Variants in FILIP1L observed in about 807,000 individuals in gnomAD.
FILIP1L encodes the protein filamin A interacting protein 1 like.
In FILIP1L, 55 loss-of-function variants were observed where a neutral mutation model predicts 96.6. The ratio of observed to expected loss-of-function variants is 0.57; its 90% CI spans 0.46 to 0.71. FILIP1L has a LOEUF of 0.71. Among genes scored for constraint, FILIP1L ranks in the 30% least tolerant of loss-of-function variants. The pLI is 0.00. For synonymous variants in FILIP1L, 467 were observed against 473.9 expected, an observed-to-expected ratio of 0.99 and a Z score of 0.19; for missense variants, 1,304 against 1,321.2, an observed-to-expected ratio of 0.99 and a Z score of 0.20.
chr3:99,902,234 A>T (rs887308010), intron 4 of FILIP1L, among the ~76,000 whole-genome samples: 1 of 152,162 alleles, frequency 6.6e-6, no homozygotes, highest in African/African-American at 2.4e-5. Context: ...TTGAGTAGGA[A>T]TTTGGGGGCA....
intron 1 of FILIP1L, among the ~76,000 whole-genome samples, chr3:100,037,158 G>A (rs1284715319): frequency 2.0e-5 from 3 of 151,020 alleles, no homozygotes; most frequent in Non-Finnish European, 4.4e-5. Flanking sequence ...ACATAATGTT[G>A]TGCTTATATA....
intron 1 of FILIP1L, among the ~76,000 whole-genome samples, chr3:99,973,140 G>T (rs763107745): frequency 2.1e-4 from 32 of 152,084 alleles, no homozygotes; most frequent in Admixed American, 1.0e-3. Context: ...TAAAAGCCAA[G>T]GTTTAGATTT....
chr3:99,861,577 G>A lies in FILIP1L; in HGVS notation c.606-10507C>T, dbSNP rs1944256641. 2.0e-5 allele frequency among the ~76,000 whole-genome samples: 3 copies of A among 151,998 alleles called. No individual in the cohort carries two copies. In the South Asian group the frequency reaches 6.2e-4, roughly 32 times the overall value. Reference sequence around the variant, plus strand: ...TGATTTTGTACTCTCTGTGATCTGCGTTCTTCTGTATCTTGTCTGTTTGCC... The same window carrying A: ...TGATTTTGTACTCTCTGTGATCTGCATTCTTCTGTATCTTGTCTGTTTGCC... On this transcript the variant is annotated intron_variant, in intron 4 of 5. Transcript: ENST00000477258.
intron 1 of FILIP1L, among the ~76,000 whole-genome samples, chr3:100,058,976 A>C (rs2065512562): frequency 6.6e-6 from 1 of 152,252 alleles, no homozygotes; most frequent in African/African-American, 2.4e-5. Flanking sequence ...GTTCAGGAAA[A>C]GGTCCTTGGT....
chr3:99,931,114 A>G (rs1707468924), intron 1 of FILIP1L, 84 bp from the exon 2 acceptor site: 3 of 1,142,672 alleles, frequency 2.6e-6, no homozygotes, highest in Non-Finnish European at 3.8e-6. Flanking sequence ...ACAAGTCTAC[A>G]TTCTTGTTAT....
chr3:99,920,726 C>T (rs1401284098), intron 4 of FILIP1L, among the ~76,000 whole-genome samples: 2 of 151,762 alleles, frequency 1.3e-5, no homozygotes, highest in South Asian at 4.2e-4. Context: ...ACTTGGCAAA[C>T]ATTTTGGCCT....
At chr3:99,947,728 T>C (rs1357817690) in intron 1 of FILIP1L, among the ~76,000 whole-genome samples, 2 of 152,232 alleles carry the variant, frequency 1.3e-5, no homozygotes, top group African/African-American at 4.8e-5. Context: ...TGAATACTTT[T>C]AATAAGGTAA....
intron 4 of FILIP1L, among the ~76,000 whole-genome samples, chr3:99,852,799 T>A (rs948900404): frequency 6.6e-6 from 1 of 152,222 alleles, no homozygotes; most frequent in African/African-American, 2.4e-5. Flanking sequence ...AATTGAGTCC[T>A]TCTTTTTGAG....
At chr3:99,989,684 A>ATATT (rs1491243903) in intron 1 of FILIP1L, among the ~76,000 whole-genome samples, 2 of 58,340 alleles carry the variant, frequency 3.4e-5, no homozygotes, top group African/African-American at 1.2e-4. Flanking sequence ...ATATATATAT[A>ATATT]TTTTTTTTCT....
At chr3:99,839,201 C>T (rs1053719318) in intron 5 of FILIP1L, among the ~76,000 whole-genome samples, 1 of 152,202 alleles carries the variant, frequency 6.6e-6, no homozygotes, top group Non-Finnish European at 1.5e-5. Flanking sequence ...CTCTAAAATC[C>T]TGTAGTACTT....
At chr3:99,887,250 A>G (rs1275144746) in intron 4 of FILIP1L, among the ~76,000 whole-genome samples, 1 of 152,082 alleles carries the variant, frequency 6.6e-6, no homozygotes, top group African/African-American at 2.4e-5. Flanking sequence ...CTGGGCAACA[A>G]CAGCAAAACT....
chr3:100,089,547 G>A (rs914785268), intron 1 of FILIP1L, among the ~76,000 whole-genome samples: 1 of 152,130 alleles, frequency 6.6e-6, no homozygotes, highest in Non-Finnish European at 1.5e-5. Flanking sequence ...CAAGCAAAAA[G>A]GATAGGAAGC....
intron 1 of FILIP1L, chr3:100,075,566 T>C (rs2065836842): frequency 7.1e-6 from 1 of 141,744 alleles, no homozygotes; most frequent in East Asian, 2.0e-4. Context: ...TTTCTTTTTC[T>C]TTTTTTTTTT....
At chr3:100,003,517 G>A (rs1440543147) in intron 1 of FILIP1L, among the ~76,000 whole-genome samples, 1 of 152,216 alleles carries the variant, frequency 6.6e-6, no homozygotes, top group Non-Finnish European at 1.5e-5. Context: ...ACCCTGTGAA[G>A]TATCCATTTT....
At chr3:99,922,774 A>G (rs1490003985) in intron 4 of FILIP1L, among the ~76,000 whole-genome samples, 1 of 152,204 alleles carries the variant, frequency 6.6e-6, no homozygotes, top group African/African-American at 2.4e-5. Context: ...AATCTACCCT[A>G]CATATGGTTA....
intron 1 of FILIP1L, among the ~76,000 whole-genome samples, chr3:99,993,337 G>A (rs753819555): frequency 1.8e-4 from 28 of 152,006 alleles, no homozygotes; most frequent in Non-Finnish European, 3.5e-4. Flanking sequence ...TTGGAGCTTG[G>A]AACTTCACTA....
chr3:99,933,976 A>T (rs74892789), intron 1 of FILIP1L, among the ~76,000 whole-genome samples: 1 of 152,208 alleles, frequency 6.6e-6, no homozygotes, highest in Non-Finnish European at 1.5e-5. Flanking sequence ...TCTTACAGCT[A>T]TTCTGGGCCT....
chr3:99,995,065 T>C (rs1709637121), intron 1 of FILIP1L, among the ~76,000 whole-genome samples: 4 of 152,148 alleles, frequency 2.6e-5, no homozygotes. Context: ...TCTTAACTCA[T>C]TTCAGCATTA....
At chr3:100,087,168 G>A (rs1299732731) in intron 1 of FILIP1L, among the ~76,000 whole-genome samples, 2 of 152,210 alleles carry the variant, frequency 1.3e-5, no homozygotes, top group East Asian at 1.9e-4. Flanking sequence ...TAATGTTCAC[G>A]TACAGGTTTT....
Sources: allele counts gnomAD v4.1 joint callset (sites outside exome capture counted in the v4.1 genomes callset), GRCh38; gene constraint gnomAD v4.1.1; transcripts MANE v1.5; gene names NCBI Gene and HGNC (gene_info 2026-07-23, HGNC 2026-07-21).